The following EMID1 variants were observed in gnomAD, a reference collection of about 807,000 sequenced individuals.
The protein encoded by EMID1 is EMI domain containing 1.
EMID1 carries 40 observed loss-of-function variants against 60.6 expected under a neutral mutation model. That is an observed-to-expected ratio of 0.66 (90% CI 0.51 to 0.86). The LOEUF (loss-of-function observed/expected upper bound fraction) is 0.86, where lower values mean the gene tolerates loss of function less well. EMID1 is among the 40% of genes least tolerant of loss of function. The pLI is 0.00. For synonymous variants in EMID1, 242 were observed against 231.0 expected, an observed-to-expected ratio of 1.05 and a Z score of -0.43; for missense variants, 585 against 597.1, an observed-to-expected ratio of 0.98 and a Z score of 0.21.
intron 14 of EMID1, among the ~76,000 whole-genome samples, chr22:29,256,062 T>C (rs2041694917): frequency 6.6e-6 from 1 of 152,030 alleles, no homozygotes; most frequent in African/African-American, 2.4e-5. Flanking sequence ...AAGGAAGGGA[T>C]TGGCCACCCG....
At chr22:29,215,074 A>G (rs1475680481) in intron 2 of EMID1, 35 bp downstream of exon 2, 4 of 1,504,060 alleles carry the variant, frequency 2.7e-6, no homozygotes, top group South Asian at 2.6e-5. Context: ...ATGGCATTCC[A>G]GGTGGAGGCA....
In EMID1 at chr22:29,248,831, ACT is replaced by A. The variant is rs1410247828; in HGVS notation, c.1119+5345_1119+5346del. On this transcript the variant is annotated intron_variant, in intron 13 of 14. Coordinates refer to ENST00000334018, the MANE Select transcript of EMID1 (RefSeq NM_133455.4). ...ACTCCAACCTGGGCGACAGAGCAAG[ACT>A]CTGTCTCAAAAATAAATAAGTAAGT... is the stretch of plus-strand genomic sequence containing the variant. 2.0e-5 allele frequency among the ~76,000 whole-genome samples: 3 copies of A among 151,934 alleles called. No homozygotes were observed. In the East Asian group the frequency reaches 5.8e-4, roughly 29 times the overall value.
At chr22:29,212,369 A>C (rs1198330899) in intron 1 of EMID1, among the ~76,000 whole-genome samples, 3 of 151,706 alleles carry the variant, frequency 2.0e-5, no homozygotes, top group African/African-American at 7.3e-5. Flanking sequence ...TCTTGGCCTC[A>C]AGCAATCCTC....
At chr22:29,234,222 G>C in intron 11 of EMID1, 23 bp downstream of exon 11, 1 of 1,608,702 alleles carries the variant, frequency 6.2e-7, no homozygotes, top group East Asian at 2.2e-5. Flanking sequence ...GTGGCCCCAG[G>C]TGGGGGAATT....
intron 3 of EMID1, among the ~76,000 whole-genome samples, chr22:29,219,982 C>A (rs1568974527): frequency 6.6e-6 from 1 of 152,060 alleles, no homozygotes; most frequent in African/African-American, 2.4e-5. Flanking sequence ...ATTGCAAATC[C>A]ACCTACATCC....
chr22:29,221,066 CGTGTGTGT>C (rs59651061), intron 3 of EMID1, among the ~76,000 whole-genome samples: 14,567 of 99,722 alleles, frequency 0.15, 1,409 homozygotes, highest in Non-Finnish European at 0.2. Flanking sequence ...GGGGTGGGAA[CGTGTGTGT>C]GTGTGTGTGT....
intron 3 of EMID1, among the ~76,000 whole-genome samples, chr22:29,217,738 A>G (rs2040139850): frequency 6.6e-6 from 1 of 152,162 alleles, no homozygotes; most frequent in African/African-American, 2.4e-5. Context: ...TGCATCCACT[A>G]TTCTAGAAAA....
intron 13 of EMID1, among the ~76,000 whole-genome samples, chr22:29,244,630 C>T (rs1181605680): frequency 6.9e-6 from 1 of 143,958 alleles, no homozygotes; most frequent in African/African-American, 2.6e-5. Flanking sequence ...CGGAACGAGA[C>T]TCTGTCTCAA....
chr22:29,225,140 T>G lies in EMID1; in HGVS notation c.327T>G (p.Ala109=), dbSNP rs773234889. 6.2e-7 allele frequency: 1 copy of G among 1,613,886 alleles called. No homozygotes were observed. Among genetic ancestry groups the G allele is most frequent in the South Asian group, 1.1e-5 (1 of 91,086 alleles). The change falls in exon 4 of 15, where the codon GCT becomes GCG. Residue 109 remains alanine (A), a synonymous_variant. Transcript: ENST00000334018. The part of the protein sequence containing the change: ...HSGVSCEEVA[A]SSASLEPMWS... Reference sequence around the variant, plus strand: ...TCACCCTCCATCCCTTAGTTGCAGCTTCCTCTGCCTCCTTGGAGCCCATGT... The same window carrying G: ...TCACCCTCCATCCCTTAGTTGCAGCGTCCTCTGCCTCCTTGGAGCCCATGT...
intron 3 of EMID1, chr22:29,216,514 A>G (rs569772060): frequency 1.0e-6 from 1 of 985,344 alleles, no homozygotes; most frequent in East Asian, 1.1e-4. Flanking sequence ...CAGGGCCCCC[A>G]CAGCAGCACA....
chr22:29,219,045 G>A (rs1444864143), intron 3 of EMID1, among the ~76,000 whole-genome samples: 2 of 152,150 alleles, frequency 1.3e-5, no homozygotes, highest in South Asian at 2.1e-4. Flanking sequence ...ACCCCCTGCA[G>A]GAGCCATCAA....
intron 5 of EMID1, among the ~76,000 whole-genome samples, chr22:29,230,647 C>G (rs1197828118): frequency 6.6e-6 from 1 of 152,180 alleles, no homozygotes; most frequent in Non-Finnish European, 1.5e-5. Context: ...CCTCCCACAC[C>G]AGGCCCCTTG....
At chr22:29,251,969 A>G (rs1368944184) in intron 13 of EMID1, among the ~76,000 whole-genome samples, 1 of 151,738 alleles carries the variant, frequency 6.6e-6, no homozygotes, top group Non-Finnish European at 1.5e-5. Flanking sequence ...TACCGTGCCC[A>G]CTCTAATTTT....
chr22:29,238,254 AATTATTATT>A (rs3066719), intron 12 of EMID1, among the ~76,000 whole-genome samples: 19,984 of 116,550 alleles, frequency 0.17, 2,760 homozygotes, highest in East Asian at 0.23. Context: ...TTTTTCTAAA[AATTATTATT>A]ATTATTATTA....
Position 29,206,069 on chromosome 22 carries a change from T to TGCCTCGGGCTCCTGCTCC in EMID1, c.32_49dup (p.Leu16_Pro17insArgLeuGlyLeuLeuLeu). On this transcript the variant is annotated inframe_insertion, in exon 1 of 15. Transcript: ENST00000334018. ...CGGCCCGCGGGCTTGGGCGCTGCTC[T>TGCCTCGGGCTCCTGCTCC]GCCTCGGGCTCCTGCTCCCGGGAGG... is the stretch of plus-strand genomic sequence containing the variant. 2 of 1,230,082 alleles carry TGCCTCGGGCTCCTGCTCC rather than the reference T, an allele frequency of 1.6e-6. No individual in the cohort carries two copies. The allele number at this position is 1,230,082 out of a possible 1,614,324, so 76.2% of individuals were successfully genotyped here. A position where few individuals can be genotyped will look rare whatever the true frequency, so the allele number is the denominator to read the frequency against.
At chr22:29,215,428 G>T in intron 2 of EMID1, 99 bp from the exon 3 acceptor site, 2 of 1,347,320 alleles carry the variant, frequency 1.5e-6, no homozygotes, top group East Asian at 2.4e-5. Context: ...GGCAGCAGAG[G>T]ATCCTGGAAG....
intron 13 of EMID1, among the ~76,000 whole-genome samples, chr22:29,244,463 T>C (rs1170927395): frequency 6.6e-6 from 1 of 151,710 alleles, no homozygotes; most frequent in African/African-American, 2.4e-5. Context: ...AAATTAGCCT[T>C]AAAGGTTTGG....
chr22:29,218,178 C>T (rs915995756), intron 3 of EMID1, among the ~76,000 whole-genome samples: 6 of 152,240 alleles, frequency 3.9e-5, no homozygotes, highest in African/African-American at 1.2e-4. Context: ...CACCGCCTAC[C>T]CCATGCTGGG....
chr22:29,243,437 C>G lies in EMID1; in HGVS notation c.1075-8C>G, dbSNP rs2041222033. ...CCTCACTGCTGCTATCTCTGTCTCT[C>G]CTTGCAGGGGGAACCTGGCCCTAAG... is the stretch of plus-strand genomic sequence containing the variant. On this transcript the variant is annotated splice_region_variant and splice_polypyrimidine_tract_variant and intron_variant, in intron 12 of 14. Transcript: ENST00000334018. 1 of 1,613,768 alleles carries G rather than the reference C, an allele frequency of 6.2e-7. No homozygotes were observed. The highest frequency in any genetic ancestry group is 1.3e-5 in the African/African-American group (1 of 74,920).
Sources: allele counts gnomAD v4.1 joint callset (sites outside exome capture counted in the v4.1 genomes callset), GRCh38; gene constraint gnomAD v4.1.1; transcripts MANE v1.5; gene names NCBI Gene and HGNC (gene_info 2026-07-23, HGNC 2026-07-21).